The following BBX variants were observed in gnomAD, a reference collection of about 807,000 sequenced individuals.
The protein encoded by BBX is BBX high mobility group box domain containing.
A neutral mutation model predicts 100.2 loss-of-function variants in BBX; 30 were observed. The observed-to-expected ratio is 0.30, with a 90% CI of 0.22 to 0.41. The LOEUF is 0.41. Ranked by LOEUF, BBX falls within the 10% of genes least tolerant of loss-of-function variation. The probability of loss-of-function intolerance (pLI) is 1.00; values close to 1 mark genes in which losing one functional copy is unlikely to be tolerated. For missense variants in BBX, 1,023 were observed against 1,129.8 expected, an observed-to-expected ratio of 0.91 and a Z score of 1.35; for synonymous variants, 376 against 388.1, an observed-to-expected ratio of 0.97 and a Z score of 0.37.
At chr3:107,600,871 C>G (rs977694146) in intron 2 of BBX, among the ~76,000 whole-genome samples, 1 of 152,192 alleles carries the variant, frequency 6.6e-6, no homozygotes, top group South Asian at 2.1e-4. Context: ...GTGTACCTTG[C>G]TTTACTGTGC....
chr3:107,525,238 G>A (rs1337377414), intron 1 of BBX, among the ~76,000 whole-genome samples: 1 of 150,784 alleles, frequency 6.6e-6, no homozygotes, highest in African/African-American at 2.4e-5. Context: ...TGGCAGCGCC[G>A]GGCCGGGCGC....
intron 3 of BBX, chr3:107,659,671 T>G (rs949251274): frequency 2.6e-4 from 309 of 1,193,366 alleles, no homozygotes; most frequent in Non-Finnish European, 3.4e-4. Flanking sequence ...GCTGCAGGGT[T>G]TGTTCTCCTA....
chr3:107,630,553 G>T (rs1252945868), intron 2 of BBX, among the ~76,000 whole-genome samples: 1 of 152,138 alleles, frequency 6.6e-6, no homozygotes, highest in Non-Finnish European at 1.5e-5. Context: ...TGCCATTTCT[G>T]TTGCCTGCCA....
intron 9 of BBX, among the ~76,000 whole-genome samples, chr3:107,750,401 A>T (rs2064988434): frequency 6.6e-6 from 1 of 152,222 alleles, no homozygotes; most frequent in Admixed American, 6.5e-5. Context: ...GTAAAAATAT[A>T]TTATTTTCTG....
intron 2 of BBX, among the ~76,000 whole-genome samples, chr3:107,611,717 T>C (rs1307511142): frequency 6.6e-6 from 1 of 152,286 alleles, no homozygotes; most frequent in East Asian, 1.9e-4. Flanking sequence ...GGTAGTCTTT[T>C]TTGGTTAAAT....
chr3:107,582,615 A>G lies in BBX; in HGVS notation c.-84+56217A>G, dbSNP rs543473198. ...GGAGAACAGTTCTTTCCTTATTGTC[A>G]TACTAATATTATCCTACCTTAAATC... On this transcript the variant is annotated intron_variant, in intron 2 of 17. Coordinates refer to ENST00000325805, the MANE Select transcript of BBX (RefSeq NM_001142568.3). Among the ~76,000 whole-genome samples, 8 of 152,192 alleles carry G rather than the reference A, an allele frequency of 5.3e-5. No individual in the cohort carries two copies. The South Asian group carries it at 1.4e-3, about 28-fold the overall frequency.
At chr3:107,533,015 A>G (rs915075957) in intron 2 of BBX, among the ~76,000 whole-genome samples, 3 of 152,070 alleles carry the variant, frequency 2.0e-5, no homozygotes, top group African/African-American at 7.2e-5. Context: ...ATCAAAACTC[A>G]TTTGGTAGCA....
chr3:107,806,800 A>T lies in BBX; in HGVS notation c.*1343A>T, dbSNP rs570010467. The T allele has an allele frequency of 6.6e-6, 1 of 152,350 alleles. No homozygotes were observed. Among genetic ancestry groups the T allele is most frequent in the South Asian group, 2.1e-4 (1 of 4,824 alleles). 9.4% of individuals were successfully genotyped at this position (152,350 alleles called of 1,614,324 possible). A position where few individuals can be genotyped will look rare whatever the true frequency, so the allele number is the denominator to read the frequency against. ...TAAATCAAAATTAGTCTGAGGCTAC[A>T]GATTTTACAGGGTATTTGTTCTATA... is the stretch of plus-strand genomic sequence containing the variant. On this transcript the variant is annotated 3_prime_UTR_variant, in exon 18 of 18. Transcript: ENST00000325805.
At chr3:107,801,034 A>T (rs888868067) in intron 16 of BBX, 61 bp from the exon 17 acceptor site, 2 of 1,505,118 alleles carry the variant, frequency 1.3e-6, no homozygotes, top group South Asian at 2.5e-5. Flanking sequence ...AGCGTTTTCT[A>T]TGTCTCTTCT....
intron 2 of BBX, among the ~76,000 whole-genome samples, chr3:107,594,422 C>T (rs1462009982): frequency 2.6e-5 from 4 of 152,114 alleles, no homozygotes; most frequent in African/African-American, 7.2e-5. Flanking sequence ...TAGACCTAGC[C>T]GCCCCTCTAG....
chr3:107,568,825 A>G (rs566914171), intron 2 of BBX, among the ~76,000 whole-genome samples: 5 of 152,318 alleles, frequency 3.3e-5, no homozygotes, highest in African/African-American at 1.2e-4. Flanking sequence ...TTTAATTTCC[A>G]GCTTCCCAAA....
intron 7 of BBX, among the ~76,000 whole-genome samples, chr3:107,736,887 C>G (rs1365253782): frequency 6.6e-6 from 1 of 152,046 alleles, no homozygotes; most frequent in African/African-American, 2.4e-5. Context: ...TTAATTATAG[C>G]TGATGAAAAG....
chr3:107,688,433 G>A (rs1052085316), intron 3 of BBX, among the ~76,000 whole-genome samples: 3 of 152,228 alleles, frequency 2.0e-5, no homozygotes, highest in African/African-American at 7.2e-5. Context: ...GGGGAACCCA[G>A]GGTTCCTTCT....
intron 2 of BBX, among the ~76,000 whole-genome samples, chr3:107,551,170 G>T (rs998028157): frequency 2.0e-5 from 3 of 152,048 alleles, no homozygotes; most frequent in Admixed American, 6.5e-5. Flanking sequence ...TAGTTCTTTT[G>T]GACCCTTTGT....
At chr3:107,531,017 T>C (rs1282977858) in intron 2 of BBX, among the ~76,000 whole-genome samples, 1 of 152,138 alleles carries the variant, frequency 6.6e-6, no homozygotes, top group East Asian at 1.9e-4. Flanking sequence ...GTTTCTGGGG[T>C]GGGGCCATGG....
chr3:107,619,807 T>G (rs966980716), intron 2 of BBX, among the ~76,000 whole-genome samples: 1 of 152,280 alleles, frequency 6.6e-6, no homozygotes, highest in Admixed American at 6.5e-5. Context: ...AATCTGTCAT[T>G]TGAATGTTAT....
chr3:107,638,136 C>G (rs62261998), intron 2 of BBX, among the ~76,000 whole-genome samples: 17,639 of 152,140 alleles, frequency 0.12, 1,375 homozygotes, highest in Middle Eastern at 0.19. Flanking sequence ...AGGCTGGTCT[C>G]GAACTGCTGG....
chr3:107,723,739 C>T (rs1015394397), intron 5 of BBX, among the ~76,000 whole-genome samples: 7 of 152,128 alleles, frequency 4.6e-5, no homozygotes, highest in Middle Eastern at 3.2e-3. Context: ...AGGACATGAA[C>T]TCATCCTTTT....
In BBX at chr3:107,778,469, A is replaced by T; in HGVS notation, c.2153A>T (p.Lys718Ile). 6.2e-7 allele frequency: 1 copy of T among 1,613,462 alleles called. No individual in the cohort carries two copies. The highest frequency in any genetic ancestry group is 1.3e-5 in the African/African-American group (1 of 74,988). The stretch of plus-strand genomic sequence containing the variant: ...CGGAAATGTGTACCTGTCCCAAGAA[A>T]AAAGAAGAAGACTGGAAATGTGTCC... ...FDRKCVPVPRKKKKTGNVSSE... is the reference protein window; with the variant it reads ...FDRKCVPVPRIKKKTGNVSSE... Residue 718 changes from lysine to isoleucine, a missense_variant, in exon 13 of 18, where the codon AAA (lysine) becomes ATA (isoleucine). Coordinates refer to ENST00000325805, the MANE Select transcript of BBX (RefSeq NM_001142568.3).
Sources: gnomAD v4.1 joint callset for allele counts (sites outside exome capture counted in the v4.1 genomes callset) on GRCh38, gnomAD v4.1.1 for gene constraint, MANE v1.5 for transcripts, NCBI Gene and HGNC (gene_info 2026-07-23, HGNC 2026-07-21) for gene names.